NALF1: variants seen among roughly 807,000 people sequenced by gnomAD.
NALF1 encodes the protein NALCN channel auxiliary factor 1.
Under a neutral mutation model 48.4 loss-of-function variants are expected in NALF1, and 3 were observed. The observed-to-expected ratio is 0.06, with a 90% CI of 0.03 to 0.16. The LOEUF (loss-of-function observed/expected upper bound fraction) is 0.16. NALF1 is among the 10% of genes least tolerant of loss of function. NALF1 has a pLI of 1.00. For missense variants in NALF1, 526 were observed against 571.5 expected (o/e 0.92, Z 0.81); for synonymous variants, 262 against 245.7 (o/e 1.07, Z -0.62).
chr13:107,485,757 T>C (rs892109275), intron 1 of NALF1, among the ~76,000 whole-genome samples: 12 of 152,186 alleles, frequency 7.9e-5, no homozygotes, highest in African/African-American at 2.9e-4. Flanking sequence ...TTGCACTATG[T>C]TGCTACCTAA....
At chr13:107,314,148 A>G (rs1265135992) in intron 1 of NALF1, among the ~76,000 whole-genome samples, 3 of 152,094 alleles carry the variant, frequency 2.0e-5, no homozygotes, top group Non-Finnish European at 2.9e-5. Context: ...CATCTTCTAA[A>G]TGTCTCTCAG....
chr13:107,856,123 T>C (rs1286930842), intron 1 of NALF1, among the ~76,000 whole-genome samples: 1 of 152,162 alleles, frequency 6.6e-6, no homozygotes, highest in Non-Finnish European at 1.5e-5. Context: ...CCCAAGCTGA[T>C]CTCAAACTCC....
intron 1 of NALF1, among the ~76,000 whole-genome samples, chr13:107,814,545 A>T (rs755602992): frequency 1.9e-4 from 29 of 152,184 alleles, no homozygotes; most frequent in Non-Finnish European, 3.4e-4. Context: ...ATATGAGAAA[A>T]AATAGACATG....
intron 1 of NALF1, among the ~76,000 whole-genome samples, chr13:107,756,852 A>C (rs1046373757): frequency 6.6e-6 from 1 of 152,154 alleles, no homozygotes; most frequent in Admixed American, 6.5e-5. Flanking sequence ...TTGTTTGCTC[A>C]CATAGAAAAG....
chr13:107,204,257 G>A (rs559784026), intron 2 of NALF1, among the ~76,000 whole-genome samples: 154 of 152,082 alleles, frequency 1.0e-3, no homozygotes, highest in African/African-American at 3.5e-3. Flanking sequence ...ACAGACAAGC[G>A]TAAAACCTCA....
At chr13:107,676,185 C>T (rs913284188) in intron 1 of NALF1, among the ~76,000 whole-genome samples, 4 of 152,182 alleles carry the variant, frequency 2.6e-5, no homozygotes, top group African/African-American at 4.8e-5. Context: ...AACAAATGCA[C>T]ACTATGACCA....
intron 1 of NALF1, among the ~76,000 whole-genome samples, chr13:107,536,842 G>A (rs1211099931): frequency 3.3e-5 from 5 of 152,060 alleles, no homozygotes; most frequent in Non-Finnish European, 2.9e-5. Flanking sequence ...ATGTCCATCA[G>A]TGATAGACTG....
At chr13:107,278,727 T>C (rs1881329460) in intron 1 of NALF1, among the ~76,000 whole-genome samples, 1 of 152,202 alleles carries the variant, frequency 6.6e-6, no homozygotes, top group South Asian at 2.1e-4. Context: ...TTTTGCCTGA[T>C]CCTAGTAAGC....
At chr13:107,416,459 C>T (rs565475992) in intron 1 of NALF1, among the ~76,000 whole-genome samples, 1 of 152,240 alleles carries the variant, frequency 6.6e-6, no homozygotes, top group Admixed American at 6.5e-5. Flanking sequence ...TCATCCTACT[C>T]AAAGTGAACA....
chr13:107,485,915 G>A lies in NALF1; in HGVS notation c.916-275160C>T, dbSNP rs143480526. ...CCCTTCCTCTCCATCACTTCTTTTCGTTAATTCTAAGATAATTACACTCTT... is the reference window on the plus strand; with the variant it reads ...CCCTTCCTCTCCATCACTTCTTTTCATTAATTCTAAGATAATTACACTCTT... On this transcript the variant is annotated intron_variant, in intron 1 of 2. Coordinates refer to ENST00000375915, the MANE Select transcript of NALF1 (RefSeq NM_001080396.3). 8.9e-4 allele frequency among the ~76,000 whole-genome samples: 136 copies of A among 152,192 alleles called. No individual in the cohort carries two copies. The East Asian group carries it at 0.016, about 18-fold the overall frequency.
intron 1 of NALF1, among the ~76,000 whole-genome samples, chr13:107,343,055 C>T (rs1419372458): frequency 6.6e-6 from 1 of 152,126 alleles, no homozygotes; most frequent in Admixed American, 6.6e-5. Flanking sequence ...AAACACTCTA[C>T]CCCATAAAAG....
chr13:107,789,437 T>C lies in NALF1; in HGVS notation c.915+76245A>G, dbSNP rs1292837415. On this transcript the variant is annotated intron_variant, in intron 1 of 2. Transcript: ENST00000375915. ...TCATAAAAAGTTCCACCTTACAGGA[T>C]AAAATCTTTATACACAGATCGTTTA... 3.3e-5 allele frequency among the ~76,000 whole-genome samples: 5 copies of C among 152,350 alleles called. No homozygotes were observed. In the South Asian group the frequency reaches 1.0e-3, roughly 32 times the overall value.
intron 1 of NALF1, among the ~76,000 whole-genome samples, chr13:107,620,048 G>A (rs546841240): frequency 2.0e-5 from 3 of 152,208 alleles, no homozygotes; most frequent in South Asian, 2.1e-4. Context: ...ACTATTTCTG[G>A]TGTTTTCCAA....
chr13:107,677,178 G>C (rs4772908), intron 1 of NALF1, among the ~76,000 whole-genome samples: 82,149 of 152,042 alleles, frequency 0.54, 22,758 homozygotes, highest in Middle Eastern at 0.67. Flanking sequence ...TCCTGAGTAG[G>C]TGAGACTATA....
At chr13:107,757,617 G>A (rs1230179251) in intron 1 of NALF1, among the ~76,000 whole-genome samples, 1 of 151,902 alleles carries the variant, frequency 6.6e-6, no homozygotes, top group African/African-American at 2.4e-5. Flanking sequence ...AAAAACTTAG[G>A]AGAATATCTG....
chr13:107,456,123 T>C (rs1014229344), intron 1 of NALF1, among the ~76,000 whole-genome samples: 19 of 152,300 alleles, frequency 1.2e-4, no homozygotes, highest in African/African-American at 3.4e-4. Context: ...GATAGAGGGA[T>C]AGAGGAGTTT....
At chr13:107,415,434 T>C (rs1884069170) in intron 1 of NALF1, among the ~76,000 whole-genome samples, 1 of 151,994 alleles carries the variant, frequency 6.6e-6, no homozygotes, top group Non-Finnish European at 1.5e-5. Context: ...AAAGCAACAG[T>C]ACATACTGTA....
intron 1 of NALF1, among the ~76,000 whole-genome samples, chr13:107,475,460 C>T (rs1430821599): frequency 6.6e-6 from 1 of 152,132 alleles, no homozygotes; most frequent in Non-Finnish European, 1.5e-5. Context: ...TGAGCTTACT[C>T]AGTTTGATAC....
intron 1 of NALF1, among the ~76,000 whole-genome samples, chr13:107,833,251 T>C (rs1879794394): frequency 1.3e-5 from 2 of 152,228 alleles, no homozygotes; most frequent in African/African-American, 4.8e-5. Context: ...AGGGTAGACT[T>C]GGTGACTTGC....
Sources: gnomAD v4.1 joint callset for allele counts (sites outside exome capture counted in the v4.1 genomes callset) on GRCh38, gnomAD v4.1.1 for gene constraint, MANE v1.5 for transcripts, NCBI Gene and HGNC (gene_info 2026-07-23, HGNC 2026-07-21) for gene names.